The following KCNIP4 variants were observed in gnomAD, a reference collection of about 807,000 sequenced individuals.
KCNIP4 encodes the protein Kv channel-interacting protein 4.
In KCNIP4, 12 loss-of-function variants were observed where a neutral mutation model predicts 34.0. That is an observed-to-expected ratio of 0.35 (90% CI 0.23 to 0.57). The LOEUF is 0.57. KCNIP4 is among the 20% of genes least tolerant of loss of function. KCNIP4 has a pLI of 0.83. For synonymous variants in KCNIP4, 124 were observed against 102.2 expected, an observed-to-expected ratio of 1.21 and a Z score of -1.29; for missense variants, 238 against 311.7, an observed-to-expected ratio of 0.76 and a Z score of 1.78.
chr4:21,752,611 C>A (rs1023733529), intron 1 of KCNIP4, among the ~76,000 whole-genome samples: 1 of 152,078 alleles, frequency 6.6e-6, no homozygotes. Context: ...GGATGGAAGA[C>A]AAAGAAAAAT....
At chr4:21,592,833 A>AT (rs915748560) in intron 1 of KCNIP4, among the ~76,000 whole-genome samples, 3 of 151,868 alleles carry the variant, frequency 2.0e-5, no homozygotes, top group East Asian at 1.9e-4. Flanking sequence ...CACATAAAAT[A>AT]TTTTTTTTGG....
At chr4:21,727,660 C>A (rs985731790) in intron 1 of KCNIP4, among the ~76,000 whole-genome samples, 1 of 151,922 alleles carries the variant, frequency 6.6e-6, no homozygotes, top group Non-Finnish European at 1.5e-5. Flanking sequence ...AAGAACTCAT[C>A]TTTACTAAAA....
At chr4:21,295,192 G>A (rs1289934678) in intron 1 of KCNIP4, among the ~76,000 whole-genome samples, 2 of 152,098 alleles carry the variant, frequency 1.3e-5, no homozygotes, top group Admixed American at 6.6e-5. Flanking sequence ...GATCAATGAA[G>A]AGCAGTGAAG....
At chr4:21,686,135 T>C (rs1750787272) in intron 1 of KCNIP4, among the ~76,000 whole-genome samples, 1 of 152,184 alleles carries the variant, frequency 6.6e-6, no homozygotes, top group Admixed American at 6.5e-5. Flanking sequence ...AACAGGAATG[T>C]GACTGATTTG....
intron 1 of KCNIP4, among the ~76,000 whole-genome samples, chr4:21,248,964 C>T (rs35696493): frequency 0.2 from 30,610 of 152,026 alleles, 3,537 homozygotes; most frequent in South Asian, 0.27. Context: ...CCCAAGTGGT[C>T]AACCAGTAAA....
chr4:20,893,961 A>T (rs1419511600), intron 1 of KCNIP4, among the ~76,000 whole-genome samples: 2 of 151,984 alleles, frequency 1.3e-5, no homozygotes, highest in Admixed American at 1.3e-4. Context: ...GCTCACTGCA[A>T]CCTCCACCTC....
intron 1 of KCNIP4, among the ~76,000 whole-genome samples, chr4:21,423,524 A>G (rs549275356): frequency 5.3e-5 from 8 of 152,330 alleles, no homozygotes; most frequent in African/African-American, 1.9e-4. Flanking sequence ...GTAAATGAGT[A>G]ACTAATGCTG....
intron 1 of KCNIP4, among the ~76,000 whole-genome samples, chr4:21,429,547 T>C (rs1560397262): frequency 6.6e-6 from 1 of 152,156 alleles, no homozygotes; most frequent in Non-Finnish European, 1.5e-5. Context: ...TTTAGTTTGA[T>C]AGGAAGCTGC....
chr4:21,393,669 T>C (rs2109524306), intron 1 of KCNIP4, among the ~76,000 whole-genome samples: 1 of 152,318 alleles, frequency 6.6e-6, no homozygotes, highest in Admixed American at 6.5e-5. Flanking sequence ...GAAATGAATT[T>C]TTTTCAATCA....
chr4:20,779,695 C>T (rs1756698679), intron 3 of KCNIP4, among the ~76,000 whole-genome samples: 1 of 151,438 alleles, frequency 6.6e-6, no homozygotes, highest in East Asian at 1.9e-4. Context: ...TTAGGCTATC[C>T]CAATTGTCCT....
At chr4:20,874,627 G>A (rs973107711) in intron 2 of KCNIP4, among the ~76,000 whole-genome samples, 16 of 150,554 alleles carry the variant, frequency 1.1e-4, no homozygotes, top group African/African-American at 2.4e-4. Flanking sequence ...AAAAAAACCC[G>A]CAATTTTCCT....
chr4:21,224,753 AT>A (rs1758249665), intron 1 of KCNIP4, among the ~76,000 whole-genome samples: 1 of 151,272 alleles, frequency 6.6e-6, no homozygotes, highest in African/African-American at 2.4e-5. Context: ...TGCCTGGCTA[AT>A]TTTTGTATTT....
intron 1 of KCNIP4, among the ~76,000 whole-genome samples, chr4:21,395,567 T>C (rs1722914090): frequency 6.6e-6 from 1 of 152,112 alleles, no homozygotes; most frequent in Non-Finnish European, 1.5e-5. Flanking sequence ...ATTTTGTCAG[T>C]TTAGTTCACA....
intron 6 of KCNIP4, among the ~76,000 whole-genome samples, chr4:20,734,415 G>A (rs1256133212): frequency 6.6e-6 from 1 of 152,150 alleles, no homozygotes; most frequent in African/African-American, 2.4e-5. Flanking sequence ...CAGGAAACAA[G>A]GGTGTAATCT....
At chr4:20,826,936 T>C (rs1345953304) in intron 3 of KCNIP4, among the ~76,000 whole-genome samples, 1 of 152,170 alleles carries the variant, frequency 6.6e-6, no homozygotes, top group African/African-American at 2.4e-5. Flanking sequence ...CTGTGATAGA[T>C]GATCTTCAAA....
At chr4:21,659,143 TTATG>T (rs1300978483) in intron 1 of KCNIP4, among the ~76,000 whole-genome samples, 2 of 152,214 alleles carry the variant, frequency 1.3e-5, no homozygotes, top group Non-Finnish European at 2.9e-5. Flanking sequence ...TCTGTGTACA[TTATG>T]TCATTTTGGC....
At chr4:21,329,473 A>G (rs557898901) in intron 1 of KCNIP4, among the ~76,000 whole-genome samples, 162 of 152,330 alleles carry the variant, frequency 1.1e-3, no homozygotes, top group African/African-American at 3.7e-3. Flanking sequence ...GTTAGGTATC[A>G]GTATACAAGA....
chr4:20,846,314 T>C (rs1024565615), intron 3 of KCNIP4, among the ~76,000 whole-genome samples: 4 of 152,154 alleles, frequency 2.6e-5, no homozygotes, highest in Non-Finnish European at 4.4e-5. Context: ...TTATATATTA[T>C]TAATTAATGA....
intron 1 of KCNIP4, among the ~76,000 whole-genome samples, chr4:21,052,015 C>T (rs984518952): frequency 3.3e-5 from 5 of 152,104 alleles, no homozygotes; most frequent in African/African-American, 7.2e-5. Context: ...ATAACTACAC[C>T]TCAATACATT....
Sources: allele counts gnomAD v4.1 joint callset (sites outside exome capture counted in the v4.1 genomes callset), GRCh38; gene constraint gnomAD v4.1.1; transcripts MANE v1.5; gene names NCBI Gene and HGNC (gene_info 2026-07-23, HGNC 2026-07-21).